MBIP: variants seen among roughly 807,000 people sequenced by gnomAD.
MBIP encodes MAP3K12-binding inhibitory protein 1.
A neutral mutation model predicts 45.7 loss-of-function variants in MBIP; 32 were observed. That is an observed-to-expected ratio of 0.70 (90% CI 0.53 to 0.94). The LOEUF (loss-of-function observed/expected upper bound fraction) is 0.94. Among genes scored for constraint, MBIP ranks in the 40% least tolerant of loss-of-function variants. The pLI, the probability that MBIP is intolerant of heterozygous loss-of-function variation, is 0.00. For missense variants in MBIP, 381 were observed against 405.5 expected, an observed-to-expected ratio of 0.94 and a Z score of 0.52; for synonymous variants, 145 against 141.0, an observed-to-expected ratio of 1.03 and a Z score of -0.20.
intron 4 of MBIP, 74 bp from the exon 5 acceptor site, chr14:36,312,098 C>A (rs749056260): frequency 1.3e-6 from 1 of 756,820 alleles, no homozygotes; most frequent in East Asian, 3.0e-5. Flanking sequence ...AATAAACTTT[C>A]AATAATTCAT....
Position 36,317,820 on chromosome 14 carries a change from G to A in MBIP, c.130-1008C>T, listed in dbSNP as rs8010646. On this transcript the variant is annotated intron_variant, in intron 1 of 8. Transcript: ENST00000416007. ...CTTTTCTACAAAATAAAGGTGTTAC[G>A]TGAGTTCAAATACAGATTTTATGAG... 2.7e-3 allele frequency among the ~76,000 whole-genome samples: 418 copies of A among 152,052 alleles called. 1 individual carries two copies. The highest frequency in any genetic ancestry group is 9.8e-3 in the African/African-American group (408 of 41,512).
chr14:36,307,295 C>G (rs764901546), intron 7 of MBIP, among the ~76,000 whole-genome samples: 2 of 152,126 alleles, frequency 1.3e-5, no homozygotes, highest in Non-Finnish European at 2.9e-5. Flanking sequence ...ATTTTCACCA[C>G]TAACTTATAT....
In MBIP at chr14:36,320,545, C is replaced by T; in HGVS notation, c.44G>A (p.Arg15Lys). ...TELNRPSSGD[R>K]NLERRCRPNL... ...GGGTCTGCATCTTCGCTCCAGGTTC[C>T]TGTCACCGCTGCTCGGGCGATTAAG... Residue 15 changes from arginine to lysine, a missense_variant, in exon 1 of 9, where the codon AGG becomes AAG. By Grantham distance (26) the Arg-to-Lys change is conservative. Coordinates refer to ENST00000416007, the MANE Select transcript of MBIP (RefSeq NM_016586.3). The T allele has an allele frequency of 6.2e-7, 1 of 1,613,702 alleles. No homozygotes were observed. Among genetic ancestry groups the T allele is most frequent in the Non-Finnish European group, 8.5e-7 (1 of 1,179,814 alleles).
chr14:36,305,364 C>T lies in MBIP; in HGVS notation c.888+2728G>A, dbSNP rs77565699. 15 of 152,118 alleles carry T rather than the reference C, an allele frequency of 9.9e-5. No homozygotes were observed. In the East Asian group the frequency reaches 2.7e-3, roughly 27 times the overall value. 9.4% of individuals were successfully genotyped at this position (152,118 alleles called of 1,614,324 possible). A position where few individuals can be genotyped will look rare whatever the true frequency, so the allele number is the denominator to read the frequency against. On this transcript the variant is annotated intron_variant, in intron 7 of 8. Coordinates refer to ENST00000416007, the MANE Select transcript of MBIP (RefSeq NM_016586.3). ...TCCAGTGTTTTGTTCTTCCTTGTAG[C>T]TCACTACTAATTTAATGTGTCACTT...
At chr14:36,316,865 A>C in intron 1 of MBIP, 53 bp from the exon 2 acceptor site, 1 of 1,536,210 alleles carries the variant, frequency 6.5e-7, no homozygotes, top group Non-Finnish European at 8.8e-7. Context: ...TAAGCTCTAC[A>C]TATGGAATTG....
At chr14:36,314,120 T>TAG (rs1880384993) in intron 4 of MBIP, 1 of 159,360 alleles carries the variant, frequency 6.3e-6, no homozygotes, top group African/African-American at 2.4e-5. Context: ...AATATTAACT[T>TAG]TACTAAGTTC....
intron 1 of MBIP, among the ~76,000 whole-genome samples, chr14:36,320,202 G>C (rs1031204557): frequency 1.3e-5 from 2 of 152,054 alleles, no homozygotes; most frequent in Non-Finnish European, 2.9e-5. Flanking sequence ...TGCCTCTCTC[G>C]GAGCCGGGTT....
At chr14:36,319,104 T>G (rs1162673380) in intron 1 of MBIP, among the ~76,000 whole-genome samples, 15 of 151,438 alleles carry the variant, frequency 9.9e-5, no homozygotes, top group Admixed American at 8.5e-4. Context: ...TCTAATGAGT[T>G]TGAAAAATTC....
intron 1 of MBIP, among the ~76,000 whole-genome samples, chr14:36,318,091 T>C (rs1396918741): frequency 1.3e-5 from 2 of 152,076 alleles, no homozygotes; most frequent in Non-Finnish European, 2.9e-5. Flanking sequence ...CATTAATTTA[T>C]ATTACTTTAA....
In MBIP at chr14:36,312,014, A is replaced by G; in HGVS notation, c.582T>C (p.Cys194=). 1 of 1,580,148 alleles carries G rather than the reference A, an allele frequency of 6.3e-7. No homozygotes were observed. The highest frequency in any genetic ancestry group is 8.6e-7 in the Non-Finnish European group (1 of 1,163,706). Residue 194 remains cysteine, a synonymous_variant, in exon 5 of 9, where the codon TGT becomes TGC. Coordinates refer to ENST00000416007, the MANE Select transcript of MBIP (RefSeq NM_016586.3). The stretch of plus-strand genomic sequence containing the variant: ...GGGTAAAAATCGCATCAGTTCTTGC[A>G]CAACTATTTTCTAAGGAGAATTTAG... ...NVIDCNQENS[C]ARTDAIFTPY...
intron 4 of MBIP, among the ~76,000 whole-genome samples, chr14:36,312,444 C>T (rs7155498): frequency 0.81 from 123,746 of 152,010 alleles, 53,713 homozygotes; most frequent in East Asian, 0.96. Context: ...AATTAGTGAA[C>T]ATCCAACAAA....
chr14:36,299,094 G>A lies in MBIP; in HGVS notation c.1024C>T (p.His342Tyr), dbSNP rs1879370396. The A allele has an allele frequency of 1.2e-6, 2 of 1,613,246 alleles. No individual in the cohort carries two copies. Among genetic ancestry groups the A allele is most frequent in the East Asian group, 2.2e-5 (1 of 44,846 alleles). ...ATGAGAGGAGTTTTTCATGGAAGGT[G>A]GTGGGTTGCCATGGATTCTGCTTCT... Reference protein sequence around the residue: ...SREAESMATHHLP With the variant: ...SREAESMATHYLP Residue 342 changes from histidine to tyrosine, a missense_variant, in exon 9 of 9, where the codon CAC (histidine) becomes TAC (tyrosine). Transcript: ENST00000416007.
At chr14:36,308,412 G>A (rs188251967) in intron 6 of MBIP, among the ~76,000 whole-genome samples, 1 of 152,266 alleles carries the variant, frequency 6.6e-6, no homozygotes, top group Non-Finnish European at 1.5e-5. Flanking sequence ...CCCCATTTAT[G>A]CTTCCTATAT....
intron 1 of MBIP, among the ~76,000 whole-genome samples, chr14:36,320,035 C>T (rs1324138906): frequency 6.6e-6 from 1 of 152,124 alleles, no homozygotes. Context: ...CTCCCTCCCC[C>T]ACCAAAAAAA....
intron 5 of MBIP, 56 bp downstream of exon 5, chr14:36,311,903 T>A: frequency 7.4e-7 from 1 of 1,345,994 alleles, no homozygotes; most frequent in African/African-American, 1.5e-5. Context: ...CTATTCCATT[T>A]TGCTAATAAT....
chr14:36,299,230 G>T, intron 8 of MBIP, 40 bp from the exon 9 acceptor site: 2 of 1,345,714 alleles, frequency 1.5e-6, no homozygotes, highest in Non-Finnish European at 2.1e-6. Context: ...ATAAGATTCT[G>T]AAGTATCTTA....
At position 36,311,702 on chromosome 14, in the gene MBIP, C is replaced by T. The variant is rs1056377952; in HGVS notation, c.661G>A (p.Gly221Arg). 5.0e-6 allele frequency: 8 copies of T among 1,608,996 alleles called. No individual in the cohort carries two copies. Among genetic ancestry groups the T allele is most frequent in the East Asian group, 2.2e-5 (1 of 44,836 alleles). Reference sequence around the variant, plus strand: ...ATTCCTTCAGGTCTAGTCTGTGGTCCGTATGTATTCACAACTCTAGAAACT... The same window carrying T: ...ATTCCTTCAGGTCTAGTCTGTGGTCTGTATGTATTCACAACTCTAGAAACT... ...VKVSRVVNTY[G>R]PQTRPEGIPG... The change falls in exon 6 of 9, where the codon GGA (glycine) becomes AGA (arginine). Residue 221 changes from glycine (G) to arginine (R), a missense_variant. Transcript: ENST00000416007.
chr14:36,319,909 G>C, intron 1 of MBIP: 1 of 164,646 alleles, frequency 6.1e-6, no homozygotes, highest in Non-Finnish European at 1.3e-5. Flanking sequence ...TACGCTAGAA[G>C]TATTTTAAAT....
Position 36,299,040 on chromosome 14 carries a change from T to A in MBIP, c.*43A>T. On this transcript the variant is annotated 3_prime_UTR_variant, in exon 9 of 9. Transcript: ENST00000416007. The stretch of plus-strand genomic sequence containing the variant: ...AATTAATAACAGTGTAAGTTACACA[T>A]ATGTATACAAAAAAGTAAAATGACA... The A allele has an allele frequency of 7.6e-7, 1 of 1,319,678 alleles. No homozygotes were observed. Among genetic ancestry groups the A allele is most frequent in the South Asian group, 1.2e-5 (1 of 84,872 alleles). 81.7% of individuals were successfully genotyped at this position (1,319,678 alleles called of 1,614,324 possible).
Sources: allele counts gnomAD v4.1 joint callset (sites outside exome capture counted in the v4.1 genomes callset), GRCh38; gene constraint gnomAD v4.1.1; transcripts MANE v1.5; gene names NCBI Gene and HGNC (gene_info 2026-07-23, HGNC 2026-07-21).